ELMO1: variants seen among roughly 807,000 people sequenced by gnomAD.
ELMO1 encodes engulfment and cell motility 1.
Under a neutral mutation model 98.9 loss-of-function variants are expected in ELMO1, and 26 were observed. The observed-to-expected ratio is 0.26, with a 90% CI of 0.19 to 0.36. The LOEUF (loss-of-function observed/expected upper bound fraction) is 0.36, where lower values mean the gene tolerates loss of function less well. ELMO1 is among the 10% of genes least tolerant of loss of function. The pLI is 1.00. For synonymous variants in ELMO1, 346 were observed against 346.0 expected (o/e 1.00, Z 0.00); for missense variants, 627 against 935.2 (o/e 0.67, Z 4.30).
chr7:37,178,619 T>TAA (rs1197131815), intron 13 of ELMO1, among the ~76,000 whole-genome samples: 2 of 35,140 alleles, frequency 5.7e-5, no homozygotes, highest in African/African-American at 1.4e-4. Context: ...TTTTTTTAAT[T>TAA]AGAAAAAAAA....
chr7:36,917,006 C>G (rs1052500481), intron 16 of ELMO1, among the ~76,000 whole-genome samples: 2 of 152,144 alleles, frequency 1.3e-5, no homozygotes, highest in African/African-American at 4.8e-5. Context: ...AATTTAGGGG[C>G]AGAAAGGAAA....
chr7:37,041,007 G>A (rs1795475447), intron 15 of ELMO1, among the ~76,000 whole-genome samples: 1 of 152,100 alleles, frequency 6.6e-6, no homozygotes, highest in African/African-American at 2.4e-5. Context: ...TTGAACCCAG[G>A]AGGCAGAGGT....
At chr7:37,292,770 C>T (rs1300696669) in intron 4 of ELMO1, among the ~76,000 whole-genome samples, 7 of 99,684 alleles carry the variant, frequency 7.0e-5, no homozygotes, top group East Asian at 3.0e-4. Flanking sequence ...CCAGCCACCC[C>T]GTCTGGGAGG....
At chr7:36,917,193 G>C (rs1314591633) in intron 16 of ELMO1, among the ~76,000 whole-genome samples, 1 of 152,188 alleles carries the variant, frequency 6.6e-6, no homozygotes, top group Admixed American at 6.5e-5. Context: ...CTAGGTAGTA[G>C]TGTGACCTTG....
intron 16 of ELMO1, among the ~76,000 whole-genome samples, chr7:36,941,556 T>C (rs537748783): frequency 5.9e-4 from 90 of 152,364 alleles, no homozygotes; most frequent in African/African-American, 2.0e-3. Context: ...TCACAAACAT[T>C]TGGTCATGTG....
chr7:37,437,979 C>CAAAAAAA (rs57418239), intron 1 of ELMO1, among the ~76,000 whole-genome samples: 1 of 18,048 alleles, frequency 5.5e-5, no homozygotes, highest in African/African-American at 1.2e-4. Flanking sequence ...GACTCCGTCT[C>CAAAAAAA]AAAAAAAAAA....
At chr7:36,896,943 A>G (rs182527317) in intron 16 of ELMO1, among the ~76,000 whole-genome samples, 1 of 152,312 alleles carries the variant, frequency 6.6e-6, no homozygotes, top group Admixed American at 6.5e-5. Flanking sequence ...AGAGACAAAG[A>G]TATAGTGAAA....
chr7:37,147,391 T>C (rs1378669129), intron 13 of ELMO1, among the ~76,000 whole-genome samples: 1 of 152,178 alleles, frequency 6.6e-6, no homozygotes, highest in Non-Finnish European at 1.5e-5. Context: ...TGCTACCTCC[T>C]GGTCCCAGCC....
intron 16 of ELMO1, among the ~76,000 whole-genome samples, chr7:37,013,078 G>A (rs1793666853): frequency 6.6e-6 from 1 of 152,188 alleles, no homozygotes; most frequent in African/African-American, 2.4e-5. Flanking sequence ...AAGGAACAAA[G>A]CTGCTCCAAG....
chr7:37,019,533 C>T (rs1327499038), intron 15 of ELMO1, among the ~76,000 whole-genome samples: 10 of 152,158 alleles, frequency 6.6e-5, no homozygotes, highest in South Asian at 2.1e-4. Context: ...CGTTTATACA[C>T]GAGAGCTTGT....
chr7:37,281,000 A>T (rs1010589735), intron 4 of ELMO1, among the ~76,000 whole-genome samples: 1 of 125,332 alleles, frequency 8.0e-6, no homozygotes, highest in Non-Finnish European at 1.7e-5. Context: ...TATATATAAA[A>T]ATATATATAT....
chr7:37,358,452 T>A (rs564808448), intron 1 of ELMO1, among the ~76,000 whole-genome samples: 36 of 152,172 alleles, frequency 2.4e-4, no homozygotes, highest in Admixed American at 1.3e-4. Flanking sequence ...TGAAAAAAAT[T>A]AGAGAAGGCC....
intron 16 of ELMO1, among the ~76,000 whole-genome samples, chr7:36,990,403 T>A (rs998362321): frequency 4.0e-4 from 61 of 152,188 alleles, no homozygotes; most frequent in African/African-American, 1.4e-3. Flanking sequence ...AGGCTCCACA[T>A]GGATGATAGG....
Position 36,855,797 on chromosome 7 carries a change from A to T in ELMO1, c.1984-46T>A. ...AGCGATCATTACTGGTGGCAATTAC[A>T]GAAGTATTAATAGTAAAAATAGCTA... On this transcript the variant is annotated intron_variant, in intron 21 of 21. Transcript: ENST00000310758. The surrounding 1 kb of genome is among the most constrained non-coding windows in gnomAD (Gnocchi z 4.2). 1 of 1,607,168 alleles carries T rather than the reference A, an allele frequency of 6.2e-7. No homozygotes were observed. The highest frequency in any genetic ancestry group is 8.5e-7 in the Non-Finnish European group (1 of 1,174,268).
intron 10 of ELMO1, among the ~76,000 whole-genome samples, chr7:37,220,480 T>G (rs1793530952): frequency 6.6e-6 from 1 of 152,192 alleles, no homozygotes; most frequent in Admixed American, 6.5e-5. Flanking sequence ...TTGTGGTGGT[T>G]TATTAGAATA....
At chr7:37,237,017 G>C (rs997308340) in intron 7 of ELMO1, among the ~76,000 whole-genome samples, 3 of 152,198 alleles carry the variant, frequency 2.0e-5, no homozygotes, top group African/African-American at 7.2e-5. Flanking sequence ...TTTGTAAACT[G>C]TTAGGCTAAA....
chr7:37,407,084 C>G (rs1421237400), intron 1 of ELMO1, among the ~76,000 whole-genome samples: 2 of 152,108 alleles, frequency 1.3e-5, no homozygotes, highest in Non-Finnish European at 2.9e-5. Flanking sequence ...TTTACAGTAG[C>G]CTAACATATA....
intron 6 of ELMO1, among the ~76,000 whole-genome samples, chr7:37,248,942 C>T (rs1403696362): frequency 6.6e-6 from 1 of 152,214 alleles, no homozygotes; most frequent in African/African-American, 2.4e-5. Context: ...CGGAAAAGGT[C>T]ACACATAATG....
intron 16 of ELMO1, among the ~76,000 whole-genome samples, chr7:36,907,016 C>T (rs1784015294): frequency 6.6e-6 from 1 of 152,146 alleles, no homozygotes; most frequent in Non-Finnish European, 1.5e-5. Flanking sequence ...ACCTTGAGCC[C>T]TTTAAAGGAA....
Sources: gnomAD v4.1 joint callset for allele counts (sites outside exome capture counted in the v4.1 genomes callset) on GRCh38, gnomAD v4.1.1 for gene constraint, Gnocchi (gnomAD v3.1) non-coding constraint, MANE v1.5 for transcripts, NCBI Gene and HGNC (gene_info 2026-07-23, HGNC 2026-07-21) for gene names.